RABGEF1: variants seen among roughly 807,000 people sequenced by gnomAD.
RABGEF1 encodes the protein RAB guanine nucleotide exchange factor 1, also known as rab5 GDP/GTP exchange factor.
In RABGEF1, 26 loss-of-function variants were observed where a neutral mutation model predicts 57.3. The ratio of observed to expected loss-of-function variants is 0.45; its 90% CI spans 0.33 to 0.63. The LOEUF (loss-of-function observed/expected upper bound fraction) is 0.63, where lower values mean the gene tolerates loss of function less well. RABGEF1 is among the 20% of genes least tolerant of loss of function. The pLI is 0.02. For synonymous variants in RABGEF1, 185 were observed against 210.7 expected (o/e 0.88, Z 1.06); for missense variants, 464 against 607.6 (o/e 0.76, Z 2.48).
intron 1 of RABGEF1, among the ~76,000 whole-genome samples, chr7:66,699,810 G>A (rs1297607011): frequency 6.6e-6 from 1 of 152,012 alleles, no homozygotes; most frequent in South Asian, 2.1e-4. Flanking sequence ...CCAAAGTCAT[G>A]CCACTCCACT....
At chr7:66,797,288 A>G (rs1786187885) in intron 5 of RABGEF1, 86 bp from the exon 6 acceptor site, 2 of 1,369,970 alleles carry the variant, frequency 1.5e-6, no homozygotes, top group Middle Eastern at 2.7e-4. Context: ...TGGGCGACAG[A>G]GCCAGACTCT....
intron 1 of RABGEF1, among the ~76,000 whole-genome samples, chr7:66,685,063 C>G (rs894099844): frequency 2.0e-5 from 3 of 151,930 alleles, no homozygotes; most frequent in Non-Finnish European, 4.4e-5. Context: ...CTGCACCCGG[C>G]CTTAAAATGG....
At chr7:66,771,593 T>C (rs1807153309) in intron 1 of RABGEF1, among the ~76,000 whole-genome samples, 1 of 152,230 alleles carries the variant, frequency 6.6e-6, no homozygotes, top group South Asian at 2.1e-4. Flanking sequence ...GTTTGCAGCC[T>C]TTACATTTAG....
Position 66,771,985 on chromosome 7 carries a change from C to T in RABGEF1, c.86C>T (p.Pro29Leu). The change falls in exon 2 of 9, where the codon CCT (proline) becomes CTT (leucine). Residue 29 changes from proline to leucine, a missense_variant. Coordinates refer to ENST00000284957, the MANE Select transcript of RABGEF1 (RefSeq NM_014504.3). ...CKKGCGYYGN[P>L]AWQGFCSKCW... ...AAAGGATGTGGTTACTACGGCAACC[C>T]TGCCTGGCAGGGTTTCTGCTCCAAG... 1.3e-6 allele frequency: 2 copies of T among 1,599,130 alleles called. No individual in the cohort carries two copies. The highest frequency in any genetic ancestry group is 1.1e-5 in the South Asian group (1 of 88,776).
chr7:66,729,143 G>T (rs1796999374), intron 2 of RABGEF1, among the ~76,000 whole-genome samples: 1 of 151,808 alleles, frequency 6.6e-6, no homozygotes, highest in Non-Finnish European at 1.5e-5. Context: ...GTAGATATGG[G>T]GTTTCACTGT....
chr7:66,805,620 A>G (rs1788263818), intron 8 of RABGEF1, among the ~76,000 whole-genome samples: 1 of 152,200 alleles, frequency 6.6e-6, no homozygotes, highest in African/African-American at 2.4e-5. Context: ...GAAACAGATG[A>G]CATGTGTTGG....
At chr7:66,713,604 A>G (rs374449570) in intron 2 of RABGEF1, among the ~76,000 whole-genome samples, 2 of 152,186 alleles carry the variant, frequency 1.3e-5, no homozygotes, top group East Asian at 3.8e-4. Flanking sequence ...TTGTACCTTA[A>G]CTTGGGTGAA....
At chr7:66,705,199 G>A (rs996890131) in intron 1 of RABGEF1, among the ~76,000 whole-genome samples, 3 of 152,088 alleles carry the variant, frequency 2.0e-5, no homozygotes, top group Admixed American at 6.6e-5. Flanking sequence ...TCAGGAGTTC[G>A]AAACAAGCTT....
chr7:66,804,836 A>G (rs1409996096), intron 7 of RABGEF1, among the ~76,000 whole-genome samples: 1 of 151,962 alleles, frequency 6.6e-6, no homozygotes, highest in Non-Finnish European at 1.5e-5. Flanking sequence ...TGGGCAAATC[A>G]TTTAACCTCT....
intron 4 of RABGEF1, among the ~76,000 whole-genome samples, chr7:66,784,856 GT>G (rs994244775): frequency 8.6e-4 from 126 of 147,178 alleles, no homozygotes; most frequent in African/African-American, 2.9e-3. Context: ...AGCTGTTATT[GT>G]TTTTTTTTTA....
At chr7:66,750,120 G>C (rs1283911085) in intron 1 of RABGEF1, among the ~76,000 whole-genome samples, 1 of 152,176 alleles carries the variant, frequency 6.6e-6, no homozygotes, top group Non-Finnish European at 1.5e-5. Context: ...CGTTGCAGTT[G>C]GGGTTGTATT....
At chr7:66,797,262 C>CT in intron 5 of RABGEF1, 112 bp from the exon 6 acceptor site, 1 of 1,139,578 alleles carries the variant, frequency 8.8e-7, no homozygotes, top group Non-Finnish European at 1.2e-6. Flanking sequence ...CAAGGTCATG[C>CT]TGCTGCACTC....
rs1445251395 is a variant in RABGEF1 at position 66,809,496 on chromosome 7, T to TCAGA, written c.*212_*213insCAGA. 1 of 463,868 alleles carries TCAGA rather than the reference T, an allele frequency of 2.2e-6. No individual in the cohort carries two copies. Among genetic ancestry groups the TCAGA allele is most frequent in the Non-Finnish European group, 3.6e-6 (1 of 279,090 alleles). The allele number at this position is 463,868 out of a possible 1,614,324, so 28.7% of individuals were successfully genotyped here. On this transcript the variant is annotated 3_prime_UTR_variant, in exon 9 of 9. Coordinates refer to ENST00000284957, the MANE Select transcript of RABGEF1 (RefSeq NM_014504.3). Reference sequence around the variant, plus strand: ...ATTTGAGTTACTGATACAGATTCATTTAAGGCTTGTGTGCAAATTTTGTCT... The same window carrying TCAGA: ...ATTTGAGTTACTGATACAGATTCATTCAGATAAGGCTTGTGTGCAAATTTTGTCT...
At chr7:66,657,649 C>T in the RABGEF1 span, among the ~76,000 whole-genome samples, 1 of 152,060 alleles carries the variant, frequency 6.6e-6, no homozygotes, top group African/African-American at 2.4e-5. Context: ...GGCAAAAGCC[C>T]ATCGCTACTA....
At chr7:66,734,943 G>A (rs2129040417) in intron 2 of RABGEF1, among the ~76,000 whole-genome samples, 1 of 152,228 alleles carries the variant, frequency 6.6e-6, no homozygotes, top group East Asian at 1.9e-4. Flanking sequence ...GTCTTTTTCC[G>A]TGTGATTTCT....
the RABGEF1 span, among the ~76,000 whole-genome samples, chr7:66,666,520 C>T: frequency 5.3e-5 from 8 of 152,184 alleles, no homozygotes; most frequent in African/African-American, 1.9e-4. Context: ...GTGCCAGGCT[C>T]CCAGCTCAGG....
the RABGEF1 span, among the ~76,000 whole-genome samples, chr7:66,661,976 G>C: frequency 0.5 from 75,709 of 152,080 alleles, 19,795 homozygotes; most frequent in African/African-American, 0.65. Flanking sequence ...CCAGCTGGGC[G>C]TGGTGGCCCA....
At chr7:66,751,976 C>T (rs949972048) in intron 1 of RABGEF1, among the ~76,000 whole-genome samples, 4 of 151,628 alleles carry the variant, frequency 2.6e-5, no homozygotes, top group Non-Finnish European at 5.9e-5. Flanking sequence ...GTGGGAGGCT[C>T]ACTTGAGCCC....
Position 66,692,151 on chromosome 7 carries a change from C to T in RABGEF1, c.-873+9893C>T, listed in dbSNP as rs1307694377. ...TTGCACTAGTTACATTTCTAGCACT[C>T]GGTAGCTCTACCGGCTGCCATACTG... On this transcript the variant is annotated intron_variant and NMD_transcript_variant, in intron 1 of 9. Transcript: ENST00000607882. Among the ~76,000 whole-genome samples, 5 of 152,328 alleles carry T rather than the reference C, an allele frequency of 3.3e-5. No individual in the cohort carries two copies. The East Asian group carries it at 7.7e-4, about 23-fold the overall frequency.
Sources: gnomAD v4.1 joint callset for allele counts (sites outside exome capture counted in the v4.1 genomes callset) on GRCh38, gnomAD v4.1.1 for gene constraint, MANE v1.5 for transcripts, NCBI Gene and HGNC (gene_info 2026-07-23, HGNC 2026-07-21) for gene names.